Variants in TUSC3 observed in about 807,000 individuals in gnomAD.
The protein encoded by TUSC3 is dolichyl-diphosphooligosaccharide--protein glycosyltransferase subunit TUSC3.
Under a neutral mutation model 44.8 loss-of-function variants are expected in TUSC3, and 45 were observed. The ratio of observed to expected loss-of-function variants is 1.00; its 90% CI spans 0.79 to 1.29. The LOEUF (loss-of-function observed/expected upper bound fraction) is 1.29. Among genes scored for constraint, TUSC3 ranks in the 50% most tolerant of loss-of-function variants. The pLI, the probability that TUSC3 is intolerant of heterozygous loss-of-function variation, is 0.00. For missense variants in TUSC3, 519 were observed against 437.9 expected (o/e 1.19, Z -1.65); for synonymous variants, 212 against 152.9 (o/e 1.39, Z -2.85).
At chr8:15,719,514 CACCACACACACA>C (rs1475213257) in intron 6 of TUSC3, among the ~76,000 whole-genome samples, 315 of 133,886 alleles carry the variant, frequency 2.4e-3, no homozygotes, top group Non-Finnish European at 3.3e-3. Context: ...CACACACACA[CACCACACACACA>C]CACACACACA....
In TUSC3 at chr8:15,485,464, C is replaced by CTTTTTT. The variant is rs11372919; in HGVS notation, n.189+1987_189+1992dup. 4.0e-4 allele frequency among the ~76,000 whole-genome samples: 54 copies of CTTTTTT among 135,228 alleles called. 1 individual carries two copies. Among genetic ancestry groups the CTTTTTT allele is most frequent in the East Asian group, 1.1e-3 (5 of 4,432 alleles). The allele number at this position is 135,228 out of a possible 152,430, so 88.7% of individuals were successfully genotyped here. On this transcript the variant is annotated intron_variant and non_coding_transcript_variant, in intron 2 of 5. Transcript: ENST00000503191. ...AAGCAATGTCATTATACTCTGTTGT[C>CTTTTTT]TTTTTTTTTTTGTTTTTTGTGACAC...
intron 6 of TUSC3, among the ~76,000 whole-genome samples, chr8:15,696,061 T>G (rs940821490): frequency 9.2e-5 from 14 of 152,140 alleles, no homozygotes; most frequent in Admixed American, 1.3e-4. Context: ...GCATAAGTAA[T>G]GAGGAGCTGA....
At chr8:15,583,821 A>G (rs1404525774) in intron 1 of TUSC3, among the ~76,000 whole-genome samples, 4 of 152,224 alleles carry the variant, frequency 2.6e-5, no homozygotes, top group Non-Finnish European at 4.4e-5. Flanking sequence ...ATTTATGTAT[A>G]TCCTAAAACC....
At chr8:15,568,557 T>G (rs545682620) in intron 1 of TUSC3, among the ~76,000 whole-genome samples, 43 of 152,150 alleles carry the variant, frequency 2.8e-4, no homozygotes, top group Non-Finnish European at 5.3e-4. Flanking sequence ...TATAACTTCT[T>G]TCAGCTTTCA....
intron 2 of TUSC3, among the ~76,000 whole-genome samples, chr8:15,641,448 C>G (rs1806367734): frequency 6.6e-6 from 1 of 151,006 alleles, no homozygotes; most frequent in African/African-American, 2.4e-5. Context: ...CCTAGTTTAT[C>G]AAAGGAAATT....
chr8:15,499,436 C>T (rs567116608), intron 2 of TUSC3, among the ~76,000 whole-genome samples: 2 of 152,250 alleles, frequency 1.3e-5, no homozygotes, highest in South Asian at 4.1e-4. Context: ...ACACTCCACG[C>T]CTCTGACCTC....
intron 6 of TUSC3, among the ~76,000 whole-genome samples, chr8:15,723,247 C>G (rs984062138): frequency 1.3e-5 from 2 of 152,122 alleles, no homozygotes; most frequent in African/African-American, 4.8e-5. Flanking sequence ...GTAAGTTCAG[C>G]AGAGACATTG....
chr8:15,839,850 C>G, the TUSC3 span, among the ~76,000 whole-genome samples: 2 of 152,128 alleles, frequency 1.3e-5, no homozygotes, highest in African/African-American at 2.4e-5. Flanking sequence ...CTAGAAATAC[C>G]ATTTGACCCA....
intron 1 of TUSC3, among the ~76,000 whole-genome samples, chr8:15,439,915 C>A (rs1393313589): frequency 6.6e-6 from 1 of 152,170 alleles, no homozygotes; most frequent in Admixed American, 6.5e-5. Context: ...TTGCTTCTTA[C>A]AAGTAATGCA....
At chr8:15,596,557 A>C (rs560411451) in intron 1 of TUSC3, among the ~76,000 whole-genome samples, 27 of 152,272 alleles carry the variant, frequency 1.8e-4, no homozygotes, top group Middle Eastern at 3.4e-3. Flanking sequence ...CATACTGAGG[A>C]ATGACTATAA....
intron 2 of TUSC3, among the ~76,000 whole-genome samples, chr8:15,635,113 TC>T (rs1806007020): frequency 6.6e-6 from 1 of 152,140 alleles, no homozygotes; most frequent in Non-Finnish European, 1.5e-5. Flanking sequence ...TGGTTGAGTT[TC>T]CTCAAGGTAA....
At chr8:15,672,731 G>A (rs1367378416) in intron 5 of TUSC3, among the ~76,000 whole-genome samples, 1 of 151,914 alleles carries the variant, frequency 6.6e-6, no homozygotes, top group Non-Finnish European at 1.5e-5. Flanking sequence ...TCTAATTTCT[G>A]GGTTTAGATA....
At chr8:15,484,685 A>G (rs952196866) in intron 2 of TUSC3, among the ~76,000 whole-genome samples, 1 of 152,224 alleles carries the variant, frequency 6.6e-6, no homozygotes, top group Non-Finnish European at 1.5e-5. Flanking sequence ...TAACATAGGC[A>G]ATTCTTGCTT....
intron 1 of TUSC3, among the ~76,000 whole-genome samples, chr8:15,481,727 C>T (rs533641765): frequency 1.3e-5 from 2 of 152,194 alleles, no homozygotes; most frequent in East Asian, 3.9e-4. Flanking sequence ...AATTTTAAAA[C>T]ACTTTATTAC....
At chr8:15,421,210 C>G (rs919591973) in intron 1 of TUSC3, among the ~76,000 whole-genome samples, 3 of 152,082 alleles carry the variant, frequency 2.0e-5, no homozygotes, top group African/African-American at 7.2e-5. Flanking sequence ...ATCTTGTAAC[C>G]CCTCTGCCCC....
intron 1 of TUSC3, among the ~76,000 whole-genome samples, chr8:15,470,177 A>T (rs1800468975): frequency 6.7e-6 from 1 of 150,066 alleles, no homozygotes; most frequent in Admixed American, 6.7e-5. Context: ...TGGGAATCTG[A>T]GGTGAAAAGA....
chr8:15,733,153 T>C (rs901461842), intron 7 of TUSC3, among the ~76,000 whole-genome samples: 1 of 152,146 alleles, frequency 6.6e-6, no homozygotes, highest in Non-Finnish European at 1.5e-5. Flanking sequence ...GAAAAGGAAG[T>C]CTTTGTGTAT....
At chr8:15,574,942 T>G (rs1803034583) in intron 1 of TUSC3, among the ~76,000 whole-genome samples, 1 of 152,160 alleles carries the variant, frequency 6.6e-6, no homozygotes, top group African/African-American at 2.4e-5. Flanking sequence ...CTAGTGTTAT[T>G]GTATTTTAAG....
the TUSC3 span, among the ~76,000 whole-genome samples, chr8:15,812,903 G>A: frequency 6.6e-6 from 1 of 152,218 alleles, no homozygotes; most frequent in East Asian, 1.9e-4. Context: ...AGACCAGCCT[G>A]GCCAATATGG....
Sources: allele counts gnomAD v4.1 joint callset (sites outside exome capture counted in the v4.1 genomes callset), GRCh38; gene constraint gnomAD v4.1.1; transcripts MANE v1.5; gene names NCBI Gene and HGNC (gene_info 2026-07-23, HGNC 2026-07-21).